Variants in OSGEPL1 observed in about 807,000 individuals in gnomAD.
OSGEPL1 encodes the protein tRNA N6-adenosine threonylcarbamoyltransferase, mitochondrial.
In OSGEPL1, 26 loss-of-function variants were observed where a neutral mutation model predicts 37.2. The observed-to-expected ratio is 0.70, with a 90% confidence interval of 0.51 to 0.97. The LOEUF is 0.97. Among genes scored for constraint, OSGEPL1 ranks in the 50% least tolerant of loss-of-function variants. The pLI, the probability that OSGEPL1 is intolerant of heterozygous loss-of-function variation, is 0.00. For missense variants in OSGEPL1, 404 were observed against 487.0 expected (o/e 0.83, Z 1.60); for synonymous variants, 140 against 159.9 (o/e 0.88, Z 0.94).
intron 8 of OSGEPL1, among the ~76,000 whole-genome samples, chr2:189,747,941 C>T (rs2044413495): frequency 6.6e-6 from 1 of 152,188 alleles, no homozygotes; most frequent in South Asian, 2.1e-4. Context: ...CTACCTTGGC[C>T]TCCCAAAGTG....
At chr2:189,755,600 G>A in intron 2 of OSGEPL1, 40 bp from the exon 3 acceptor site, 2 of 1,560,414 alleles carry the variant, frequency 1.3e-6, no homozygotes, top group African/African-American at 1.4e-5. Context: ...TTTTAAGATT[G>A]TAAAAATGAA....
chr2:189,756,733 T>G (rs772086805), intron 2 of OSGEPL1, among the ~76,000 whole-genome samples: 9 of 152,168 alleles, frequency 5.9e-5, no homozygotes, highest in Non-Finnish European at 8.8e-5. Flanking sequence ...CCACTCCCAC[T>G]GCCAAGTCTC....
At position 189,762,668 on chromosome 2, in the gene OSGEPL1, T is replaced by C; in HGVS notation, c.-21+17A>G. 1 of 984,888 alleles carries C rather than the reference T, an allele frequency of 1.0e-6. No homozygotes were observed. The highest frequency in any genetic ancestry group is 1.2e-6 in the Non-Finnish European group (1 of 829,844). 61.0% of individuals were successfully genotyped at this position (984,888 alleles called of 1,614,324 possible). On this transcript the variant is annotated intron_variant, in intron 1 of 8. Transcript: ENST00000264151. ...GCAAAAGCGTCAGTGGGGTGAAGAG[T>C]GAGCAATTTCACCCACCTTCCACTT... is the stretch of plus-strand genomic sequence containing the variant.
At chr2:189,763,152 A>C (rs2047362397), upstream of OSGEPL1, 1 of 985,088 alleles carries the variant, frequency 1.0e-6, no homozygotes, top group Non-Finnish European at 1.2e-6. Flanking sequence ...ATCTAAACTT[A>C]GGGGTGAGGT....
At chr2:189,758,174 G>C (rs2046368702) in intron 2 of OSGEPL1, among the ~76,000 whole-genome samples, 1 of 152,096 alleles carries the variant, frequency 6.6e-6, no homozygotes, top group South Asian at 2.1e-4. Flanking sequence ...CTTGAGGTCG[G>C]GAGTTCGAGA....
At chr2:189,762,917 T>TC (rs557161688), upstream of OSGEPL1, 107 of 985,208 alleles carry the variant, frequency 1.1e-4, 1 homozygote, top group African/African-American at 1.7e-3. Flanking sequence ...CACCTGCATT[T>TC]CCCCCAGATT....
chr2:189,762,697 C>T lies in OSGEPL1; in HGVS notation c.-33G>A. 3 of 985,306 alleles carry T rather than the reference C, an allele frequency of 3.0e-6. No individual in the cohort carries two copies. The highest frequency in any genetic ancestry group is 3.6e-6 in the Non-Finnish European group (3 of 829,936). The allele number at this position is 985,306 out of a possible 1,614,324, so 61.0% of individuals were successfully genotyped here. ...CAATTTCACCCACCTTCCACTTGGG[C>T]GGCAGTAGCTAGCACTTGTCTCCTT... is the stretch of plus-strand genomic sequence containing the variant. On this transcript the variant is annotated 5_prime_UTR_variant, in exon 1 of 9. Transcript: ENST00000264151.
At chr2:189,757,718 C>T (rs2046292832) in intron 2 of OSGEPL1, among the ~76,000 whole-genome samples, 1 of 152,154 alleles carries the variant, frequency 6.6e-6, no homozygotes, top group African/African-American at 2.4e-5. Flanking sequence ...TGTTCAAAGG[C>T]AAGAGTCATA....
At chr2:189,761,191 G>A (rs758677210) in intron 2 of OSGEPL1, 2 of 360,936 alleles carry the variant, frequency 5.5e-6, no homozygotes, top group Non-Finnish European at 9.8e-6. Context: ...CGGAAGCTGG[G>A]AATGAGCTCA....
At chr2:189,753,666 C>T (rs1338515391) in intron 5 of OSGEPL1, among the ~76,000 whole-genome samples, 1 of 151,978 alleles carries the variant, frequency 6.6e-6, no homozygotes, top group African/African-American at 2.4e-5. Context: ...TATTGTAAGC[C>T]CTCTTTTAAA....
At chr2:189,747,642 G>A (rs1290257991) in intron 8 of OSGEPL1, among the ~76,000 whole-genome samples, 1 of 152,142 alleles carries the variant, frequency 6.6e-6, no homozygotes, top group Non-Finnish European at 1.5e-5. Flanking sequence ...GCTGCAGATA[G>A]ATATGATACA....
chr2:189,757,080 T>G (rs1038952333), intron 2 of OSGEPL1, among the ~76,000 whole-genome samples: 4 of 152,328 alleles, frequency 2.6e-5, no homozygotes, highest in African/African-American at 7.2e-5. Context: ...ACAATGTATT[T>G]TTGTCTATGA....
Position 189,757,410 on chromosome 2 carries a change from G to A in OSGEPL1, c.222-1850C>T, listed in dbSNP as rs539094604. 3.9e-5 allele frequency among the ~76,000 whole-genome samples: 6 copies of A among 152,284 alleles called. No homozygotes were observed. The East Asian group carries it at 9.6e-4, about 24-fold the overall frequency. On this transcript the variant is annotated intron_variant, in intron 2 of 8. Transcript: ENST00000264151. ...GCTGTTTCACAATGATCTGCTTACT[G>A]TCTTCTTCATTTTTACTGATGGTAG...
Position 189,746,831 on chromosome 2 carries a change from T to A in OSGEPL1, c.*366A>T. On this transcript the variant is annotated 3_prime_UTR_variant, in exon 9 of 9. Transcript: ENST00000264151. ...TGGTTTCAAAAAATTAGGATTTCTG[T>A]AAACAAAGGCCTGCACTTAAACCTT... The A allele has an allele frequency of 2.1e-6, 1 of 485,356 alleles. No individual in the cohort carries two copies. The highest frequency in any genetic ancestry group is 3.4e-6 in the Non-Finnish European group (1 of 294,238). The allele number at this position is 485,356 out of a possible 1,614,324, so 30.1% of individuals were successfully genotyped here.
chr2:189,755,105 C>CATCT (rs2045906129), intron 3 of OSGEPL1, 68 bp downstream of exon 3: 5 of 1,507,668 alleles, frequency 3.3e-6, no homozygotes, highest in East Asian at 2.3e-5. Flanking sequence ...GGTGGTAGCA[C>CATCT]ATCTATTGCT....
At chr2:189,748,236 T>A (rs1433779901) in intron 8 of OSGEPL1, among the ~76,000 whole-genome samples, 1 of 152,232 alleles carries the variant, frequency 6.6e-6, no homozygotes, top group African/African-American at 2.4e-5. Flanking sequence ...AGGGTCTTGC[T>A]CTGTTACCCA....
In OSGEPL1 at chr2:189,755,542, A is replaced by G. The variant is rs2045949117; in HGVS notation, c.240T>C (p.Pro80=). 6 of 1,598,838 alleles carry G rather than the reference A, an allele frequency of 3.8e-6. No individual in the cohort carries two copies. The highest frequency in any genetic ancestry group is 5.1e-6 in the Non-Finnish European group (6 of 1,176,294). ...CTCTGTGAAGCTGTTGAGCTGCTGG[A>G]GGAACAATCCCACCTGTTCTGAAAG... The part of the protein sequence containing the change: ...EVHLKTGGIV[P]PAAQQLHREN... Residue 80 remains proline (P), a synonymous_variant, in exon 3 of 9, where the codon CCT becomes CCC. Coordinates refer to ENST00000264151, the MANE Select transcript of OSGEPL1 (RefSeq NM_022353.3).
intron 8 of OSGEPL1, chr2:189,747,417 A>C (rs1407759006): frequency 6.6e-6 from 1 of 152,036 alleles, no homozygotes; most frequent in Non-Finnish European, 1.5e-5. Context: ...ATAAAACAAA[A>C]ATTTTTTAAA....
At chr2:189,752,120 G>C (rs549846759) in intron 7 of OSGEPL1, among the ~76,000 whole-genome samples, 1 of 151,886 alleles carries the variant, frequency 6.6e-6, no homozygotes, top group Non-Finnish European at 1.5e-5. Context: ...CTCTAGCCTG[G>C]GTGACACTAA....
Sources: gnomAD v4.1 joint callset for allele counts (sites outside exome capture counted in the v4.1 genomes callset) on GRCh38, gnomAD v4.1.1 for gene constraint, MANE v1.5 for transcripts, NCBI Gene and HGNC (gene_info 2026-07-23, HGNC 2026-07-21) for gene names.